The following PDGFRB variants were observed in gnomAD, a reference collection of about 807,000 sequenced individuals.
The protein encoded by PDGFRB is platelet-derived growth factor receptor beta.
PDGFRB carries 42 observed loss-of-function variants against 120.2 expected under a neutral mutation model. The observed-to-expected ratio is 0.35, with a 90% CI of 0.27 to 0.45. PDGFRB has a LOEUF of 0.45. PDGFRB is among the 20% of genes least tolerant of loss of function. The pLI is 1.00. For synonymous variants in PDGFRB, 586 were observed against 606.8 expected (o/e 0.97, Z 0.50); for missense variants, 1,149 against 1,476.3 (o/e 0.78, Z 3.63).
Position 150,126,521 on chromosome 5 carries a change from T to G in PDGFRB, c.1673A>C (p.Lys558Thr). 1 of 1,572,644 alleles carries G rather than the reference T, an allele frequency of 6.4e-7. No homozygotes were observed. Among genetic ancestry groups the G allele is most frequent in the Non-Finnish European group, 8.8e-7 (1 of 1,142,170 alleles). Reference sequence around the variant, plus strand: ...CCACTGGGCCAGGGAGGGGCTTACCTTCTGCCAAAGCATGATGAGGATGAT... The same window carrying G: ...CCACTGGGCCAGGGAGGGGCTTACCGTCTGCCAAAGCATGATGAGGATGAT... ...SLIILIMLWQ[K>T]KPRYEIRWKV... The change falls in exon 11 of 23, where the codon AAG becomes ACG. Residue 558 changes from lysine to threonine, a missense_variant and splice_region_variant. This residue lies in a region of PDGFRB where 879 missense variants were observed against 1,108.6 expected (regional missense o/e 0.79). Coordinates refer to ENST00000261799, the MANE Select transcript of PDGFRB (RefSeq NM_002609.4).
At chr5:150,154,649 G>C (rs1335368025) in intron 1 of PDGFRB, among the ~76,000 whole-genome samples, 1 of 152,152 alleles carries the variant, frequency 6.6e-6, no homozygotes, top group African/African-American at 2.4e-5. Flanking sequence ...ATGGAGAAGG[G>C]GTAGAGTCCA....
intron 6 of PDGFRB, 85 bp from the exon 7 acceptor site, chr5:150,133,027 T>C: frequency 1.0e-6 from 1 of 960,186 alleles, no homozygotes; most frequent in African/African-American, 1.6e-5. Flanking sequence ...GGGGTGGGGC[T>C]TCAGGCCTGG....
chr5:150,125,085 T>C (rs1038820387), intron 12 of PDGFRB, among the ~76,000 whole-genome samples: 3 of 152,176 alleles, frequency 2.0e-5, no homozygotes, highest in Admixed American at 1.3e-4. Context: ...CTGCCTGCTT[T>C]CTGCCCCATC....
chr5:150,125,926 A>G (rs919751), intron 11 of PDGFRB, among the ~76,000 whole-genome samples: 47,314 of 152,156 alleles, frequency 0.31, 8,606 homozygotes, highest in Non-Finnish European at 0.39. Context: ...GACACCAGGT[A>G]GGGTACTCGG....
chr5:150,132,103 C>A lies in PDGFRB; in HGVS notation c.1128-9G>T. 1 of 1,464,108 alleles carries A rather than the reference C, an allele frequency of 6.8e-7. No homozygotes were observed. The highest frequency in any genetic ancestry group is 9.6e-7 in the Non-Finnish European group (1 of 1,043,816). The allele number at this position is 1,464,108 out of a possible 1,614,324, so 90.7% of individuals were successfully genotyped here. On this transcript the variant is annotated splice_polypyrimidine_tract_variant and intron_variant, in intron 7 of 22. Transcript: ENST00000261799. The surrounding 1 kb of genome is among the most constrained non-coding windows in gnomAD (Gnocchi z 5.0). ...TCAGCTCTGACACATACCTGGGGAG[C>A]AGGAAAGGCAGCTGTCAGAGTCGGA...
chr5:150,131,374 C>T (rs1760460865), intron 8 of PDGFRB, among the ~76,000 whole-genome samples: 1 of 152,196 alleles, frequency 6.6e-6, no homozygotes, highest in African/African-American at 2.4e-5. Flanking sequence ...CAAATATCCA[C>T]TAAGCTAATG....
intron 1 of PDGFRB, among the ~76,000 whole-genome samples, chr5:150,149,011 AGGAGGCAG>A (rs1325114951): frequency 2.6e-5 from 4 of 152,174 alleles, no homozygotes; most frequent in African/African-American, 9.7e-5. Context: ...AGGCCAGGGA[AGGAGGCAG>A]GGAGACTTCA....
At position 150,124,183 on chromosome 5, in the gene PDGFRB, G is replaced by A. The variant is rs56103608; in HGVS notation, c.2023+67C>T. ...GCTGTTGTGCAAGGCCTGAGGGGGGGGTAGGCGGGGCCTGGCCTTGGTGGT... is the reference window on the plus strand; with the variant it reads ...GCTGTTGTGCAAGGCCTGAGGGGGGAGTAGGCGGGGCCTGGCCTTGGTGGT... On this transcript the variant is annotated intron_variant, in intron 14 of 22. Coordinates refer to ENST00000261799, the MANE Select transcript of PDGFRB (RefSeq NM_002609.4). The A allele has an allele frequency of 5.2e-3, 5,523 of 1,055,812 alleles. 22 individuals are homozygous for A. Among genetic ancestry groups the A allele is most frequent in the Non-Finnish European group, 6.9e-3 (4,734 of 690,146 alleles). The allele number at this position is 1,055,812 out of a possible 1,614,324, so 65.4% of individuals were successfully genotyped here.
intron 3 of PDGFRB, among the ~76,000 whole-genome samples, chr5:150,135,343 G>C (rs1760591645): frequency 6.6e-6 from 1 of 152,182 alleles, no homozygotes; most frequent in African/African-American, 2.4e-5. Context: ...TTGGGAGGCA[G>C]GAATAGGGTG....
chr5:150,128,568 C>T (rs1760361322), intron 10 of PDGFRB, among the ~76,000 whole-genome samples: 1 of 152,264 alleles, frequency 6.6e-6, no homozygotes, highest in Non-Finnish European at 1.5e-5. Flanking sequence ...ATCCTCCAGC[C>T]AGATTGAGTT....
intron 22 of PDGFRB, among the ~76,000 whole-genome samples, chr5:150,116,469 C>T (rs771130272): frequency 2.6e-5 from 4 of 151,856 alleles, no homozygotes; most frequent in African/African-American, 4.8e-5. Context: ...ATTAGCCAGG[C>T]GTGGTGCTGC....
Position 150,149,134 on chromosome 5 carries a change from G to A in PDGFRB, c.-7+6263C>T, listed in dbSNP as rs369367697. 2.8e-4 allele frequency among the ~76,000 whole-genome samples: 42 copies of A among 152,316 alleles called. No individual in the cohort carries two copies. The East Asian group carries it at 7.1e-3, about 26-fold the overall frequency. ...GCTGCTGGCTTGGCAGGGCAATGCTGTAACTCCAGGCACTGTGGGGAGGGG... is the reference window on the plus strand; with the variant it reads ...GCTGCTGGCTTGGCAGGGCAATGCTATAACTCCAGGCACTGTGGGGAGGGG... On this transcript the variant is annotated intron_variant, in intron 1 of 22. Coordinates refer to ENST00000261799, the MANE Select transcript of PDGFRB (RefSeq NM_002609.4).
chr5:150,141,892 A>G (rs944833474), intron 1 of PDGFRB, among the ~76,000 whole-genome samples: 3 of 152,006 alleles, frequency 2.0e-5, no homozygotes, highest in African/African-American at 7.3e-5. Context: ...CTGAGGGGAC[A>G]GTGGGATGTT....
chr5:150,131,208 C>T (rs765471041), intron 8 of PDGFRB, among the ~76,000 whole-genome samples: 2 of 152,174 alleles, frequency 1.3e-5, no homozygotes, highest in Non-Finnish European at 2.9e-5. Context: ...GCACCAGGCC[C>T]ACAAAGACCT....
In PDGFRB at chr5:150,129,863, C is replaced by G. The variant is rs147742846; in HGVS notation, c.1473G>C (p.Val491=). The change falls in exon 10 of 23, where the codon GTG becomes GTC. Residue 491 remains valine, a synonymous_variant. Coordinates refer to ENST00000261799, the MANE Select transcript of PDGFRB (RefSeq NM_002609.4). ...TYWEEEQEFE[V]VSTLRLQHVD... is the part of the protein sequence containing the mutation. ...CGTGCTGCAGACGCAGTGTGCTCACCACCTCAAACTCCTGCTCCTCCTCCC... is the reference window on the plus strand; with the variant it reads ...CGTGCTGCAGACGCAGTGTGCTCACGACCTCAAACTCCTGCTCCTCCTCCC... The G allele has an allele frequency of 1.2e-6, 2 of 1,614,002 alleles. No homozygotes were observed. The highest frequency in any genetic ancestry group is 1.7e-6 in the Non-Finnish European group (2 of 1,179,966).
chr5:150,147,926 C>G (rs953859691), intron 1 of PDGFRB, among the ~76,000 whole-genome samples: 1 of 152,200 alleles, frequency 6.6e-6, no homozygotes, highest in Non-Finnish European at 1.5e-5. Flanking sequence ...GAAGAAGTCA[C>G]TCACTCACTC....
rs1760161016 is a variant in PDGFRB at position 150,122,216 on chromosome 5, T to G, written c.2184-176A>C. 5 of 593,968 alleles carry G rather than the reference T, an allele frequency of 8.4e-6. 1 individual carries two copies. The highest frequency in any genetic ancestry group is 5.9e-5 in the Admixed American group (2 of 33,992). 36.8% of individuals were successfully genotyped at this position (593,968 alleles called of 1,614,324 possible). A position where few individuals can be genotyped will look rare whatever the true frequency, so the allele number is the denominator to read the frequency against. On this transcript the variant is annotated intron_variant, in intron 15 of 22. Coordinates refer to ENST00000261799, the MANE Select transcript of PDGFRB (RefSeq NM_002609.4). ...TTTCAACCAACCTGCTGGGCCAAGC[T>G]GGGCACTGAGGCTACCAAAATGACA...
At chr5:150,118,340 G>C (rs1417895954) in intron 21 of PDGFRB, among the ~76,000 whole-genome samples, 2 of 152,198 alleles carry the variant, frequency 1.3e-5, no homozygotes, top group African/African-American at 4.8e-5. Flanking sequence ...CAGGGTTTCA[G>C]GGCCCTACTG....
In PDGFRB at chr5:150,133,688, T is replaced by G. The variant is rs369581401; in HGVS notation, c.832A>C (p.Ile278Leu). The G allele has an allele frequency of 5.0e-6, 8 of 1,613,844 alleles. No individual in the cohort carries two copies. In the African/African-American group the frequency reaches 1.1e-4, roughly 22 times the overall value. The change falls in exon 6 of 23, where the codon ATC becomes CTC. Residue 278 changes from isoleucine to leucine, a missense_variant. Ile to Leu is a conservative substitution (Grantham distance 5, BLOSUM62 2). Transcript: ENST00000261799. ...GAGTCTTCTAACTCGGCACTGGGGA[T>G]GTGCAGGATGGAGCGGATGTGGTAA... ...MPYHIRSILHIPSAELEDSGT... is the reference protein window; with the variant it reads ...MPYHIRSILHLPSAELEDSGT...
Sources: gnomAD v4.1 joint callset for allele counts (sites outside exome capture counted in the v4.1 genomes callset) on GRCh38, gnomAD v4.1.1 for gene constraint, gnomAD v4.1.1 regional missense constraint, Gnocchi (gnomAD v3.1) non-coding constraint, MANE v1.5 for transcripts, NCBI Gene and HGNC (gene_info 2026-07-23, HGNC 2026-07-21) for gene names.